Variants in GRID2 observed in about 807,000 individuals in gnomAD.
GRID2 encodes the protein glutamate ionotropic receptor delta type subunit 2, also known as glutamate receptor ionotropic, delta-2.
GRID2 carries 33 observed loss-of-function variants against 114.8 expected under a neutral mutation model. The ratio of observed to expected loss-of-function variants is 0.29; its 90% CI spans 0.22 to 0.38. The LOEUF is 0.38. Among genes scored for constraint, GRID2 ranks in the 10% least tolerant of loss-of-function variants. The pLI is 1.00. For missense variants in GRID2, 1,184 were observed against 1,257.7 expected, an observed-to-expected ratio of 0.94 and a Z score of 0.89; for synonymous variants, 505 against 449.9, an observed-to-expected ratio of 1.12 and a Z score of -1.55.
intron 6 of GRID2, among the ~76,000 whole-genome samples, chr4:93,222,570 C>T (rs1282990937): frequency 1.3e-5 from 2 of 151,802 alleles, no homozygotes; most frequent in African/African-American, 4.8e-5. Flanking sequence ...CACCCATTAA[C>T]TTGTCATTTA....
chr4:93,045,181 A>C (rs1192012639), intron 2 of GRID2, among the ~76,000 whole-genome samples: 1 of 152,100 alleles, frequency 6.6e-6, no homozygotes, highest in Non-Finnish European at 1.5e-5. Flanking sequence ...ATGTATATAG[A>C]TATCTCATAA....
intron 8 of GRID2, among the ~76,000 whole-genome samples, chr4:93,239,291 G>A (rs56228431): frequency 0.054 from 8,104 of 149,198 alleles, 372 homozygotes; most frequent in African/African-American, 0.12. Context: ...CAAATCATAT[G>A]TATATATACA....
At chr4:93,234,847 A>C (rs1316905861) in intron 7 of GRID2, among the ~76,000 whole-genome samples, 1 of 152,010 alleles carries the variant, frequency 6.6e-6, no homozygotes, top group Non-Finnish European at 1.5e-5. Context: ...CCATGCTTAT[A>C]TTAACAGATT....
chr4:93,106,036 C>A (rs1732192510), intron 3 of GRID2, among the ~76,000 whole-genome samples: 1 of 152,148 alleles, frequency 6.6e-6, no homozygotes, highest in Admixed American at 6.6e-5. Flanking sequence ...CCTCCTCCCC[C>A]AGTCTTATGT....
At chr4:93,561,405 G>A (rs13123224) in intron 13 of GRID2, among the ~76,000 whole-genome samples, 24,693 of 151,856 alleles carry the variant, frequency 0.16, 2,683 homozygotes, top group Middle Eastern at 0.27. Context: ...TTAGGTTTAC[G>A]GCAAAATTGA....
chr4:93,399,399 T>G (rs906829676), intron 9 of GRID2, among the ~76,000 whole-genome samples: 2 of 152,144 alleles, frequency 1.3e-5, no homozygotes, highest in Non-Finnish European at 2.9e-5. Context: ...TCATATTTAT[T>G]TTAAACTACA....
At chr4:92,350,213 G>T (rs1209916323) in intron 1 of GRID2, among the ~76,000 whole-genome samples, 1 of 151,630 alleles carries the variant, frequency 6.6e-6, no homozygotes, top group African/African-American at 2.4e-5. Context: ...AAGCATTGGT[G>T]CTGAAAAGTC....
At chr4:93,104,839 GGTC>G (rs1732048953) in intron 3 of GRID2, among the ~76,000 whole-genome samples, 1 of 151,930 alleles carries the variant, frequency 6.6e-6, no homozygotes, top group Non-Finnish European at 1.5e-5. Context: ...GGGATGGCTG[GGTC>G]AAATGGTATT....
chr4:92,697,655 C>T (rs1323429386), intron 2 of GRID2, among the ~76,000 whole-genome samples: 1 of 151,714 alleles, frequency 6.6e-6, no homozygotes, highest in African/African-American at 2.4e-5. Context: ...AAAGTCAATA[C>T]AAATAGCCAT....
At chr4:92,818,886 T>G (rs921063321) in intron 2 of GRID2, among the ~76,000 whole-genome samples, 1 of 152,138 alleles carries the variant, frequency 6.6e-6, no homozygotes, top group African/African-American at 2.4e-5. Flanking sequence ...TATATAATTG[T>G]ATCTGTAATT....
intron 2 of GRID2, among the ~76,000 whole-genome samples, chr4:92,779,314 G>A (rs963318057): frequency 6.6e-6 from 1 of 151,512 alleles, no homozygotes; most frequent in Non-Finnish European, 1.5e-5. Context: ...CAAGTTTCTG[G>A]CAGAATATAT....
chr4:93,193,922 C>T (rs559113402), intron 4 of GRID2, among the ~76,000 whole-genome samples: 10 of 152,322 alleles, frequency 6.6e-5, no homozygotes, highest in Admixed American at 2.0e-4. Context: ...ACACCTTAGT[C>T]CTATTCTGTA....
At chr4:93,776,914 C>A (rs1251849990), downstream of GRID2, among the ~76,000 whole-genome samples, 1 of 152,186 alleles carries the variant, frequency 6.6e-6, no homozygotes, top group Non-Finnish European at 1.5e-5. Flanking sequence ...TCTATCCCTG[C>A]AAATCTAATG....
chr4:93,008,658 T>G (rs1721811721), intron 2 of GRID2, among the ~76,000 whole-genome samples: 1 of 152,142 alleles, frequency 6.6e-6, no homozygotes, highest in Non-Finnish European at 1.5e-5. Context: ...CTGGAGATAG[T>G]TGATGTAAAT....
chr4:92,819,193 G>C (rs1741106678), intron 2 of GRID2, among the ~76,000 whole-genome samples: 1 of 152,112 alleles, frequency 6.6e-6, no homozygotes, highest in Non-Finnish European at 1.5e-5. Flanking sequence ...GATAATTTTG[G>C]CCAAATCTGA....
Position 93,772,095 on chromosome 4 carries a change from T to C in GRID2, c.2621T>C (p.Leu874Pro), listed in dbSNP as rs1734152443. 2 of 1,609,292 alleles carry C rather than the reference T, an allele frequency of 1.2e-6. No individual in the cohort carries two copies. The highest frequency in any genetic ancestry group is 1.7e-6 in the Non-Finnish European group (2 of 1,175,830). ...PSKEDDKEID[L>P]EHLHRRVNSL... The stretch of plus-strand genomic sequence containing the variant: ...CTCCAGGATGACAAGGAAATTGACC[T>C]GGAGCACCTCCATAGACGTGTAAAT... Residue 874 changes from leucine (L) to proline (P), a missense_variant, in exon 16 of 16, where the codon CTG becomes CCG. Physicochemically the swap from Leu to Pro is moderately conservative, Grantham distance 98. Around this residue, in one of 3 missense-constraint regions of GRID2, gnomAD observed 717 missense variants for 796.9 expected, o/e 0.90. Coordinates refer to ENST00000282020, the MANE Select transcript of GRID2 (RefSeq NM_001510.4).
At chr4:93,089,917 G>A (rs1038827804) in intron 3 of GRID2, among the ~76,000 whole-genome samples, 2 of 152,140 alleles carry the variant, frequency 1.3e-5, no homozygotes, top group Non-Finnish European at 2.9e-5. Context: ...AGCAGTTCAA[G>A]TGAATACCCT....
intron 8 of GRID2, among the ~76,000 whole-genome samples, chr4:93,281,743 C>A (rs1196036057): frequency 2.0e-5 from 3 of 151,900 alleles, no homozygotes; most frequent in Admixed American, 6.6e-5. Context: ...GCTTAAAATT[C>A]CTCATTCTAC....
At chr4:92,493,081 A>T (rs1232389362) in intron 1 of GRID2, among the ~76,000 whole-genome samples, 2 of 149,746 alleles carry the variant, frequency 1.3e-5, no homozygotes, top group African/African-American at 4.9e-5. Flanking sequence ...GTGAACTGAG[A>T]TCATGCCACT....
Sources: gnomAD v4.1 joint callset for allele counts (sites outside exome capture counted in the v4.1 genomes callset) on GRCh38, gnomAD v4.1.1 for gene constraint, gnomAD v4.1.1 regional missense constraint, MANE v1.5 for transcripts, NCBI Gene and HGNC (gene_info 2026-07-23, HGNC 2026-07-21) for gene names.